Variants in GRK6 observed in about 807,000 individuals in gnomAD.
GRK6 encodes the protein G protein-coupled receptor kinase 6.
In GRK6, 37 loss-of-function variants were observed where a neutral mutation model predicts 80.8. The observed-to-expected ratio is 0.46, with a 90% CI of 0.35 to 0.60. GRK6 has a LOEUF of 0.60. Among genes scored for constraint, GRK6 ranks in the 20% least tolerant of loss-of-function variants. The pLI, the probability that GRK6 is intolerant of heterozygous loss-of-function variation, is 0.00. For missense variants in GRK6, 560 were observed against 784.6 expected (o/e 0.71, Z 3.42); for synonymous variants, 295 against 320.9 (o/e 0.92, Z 0.86).
At chr5:177,436,778 C>T (rs1349991636) in intron 13 of GRK6, 5 of 535,770 alleles carry the variant, frequency 9.3e-6, no homozygotes, top group Non-Finnish European at 3.3e-6. Context: ...CCTCACTGTA[C>T]CGTTGAGTGT....
intron 5 of GRK6, 113 bp downstream of exon 5, chr5:177,432,919 C>A: frequency 1.1e-6 from 1 of 913,686 alleles, no homozygotes; most frequent in Admixed American, 2.2e-5. Flanking sequence ...GCTGCCCAGC[C>A]CTGGCCTTGC....
chr5:177,431,923 G>C lies in GRK6; in HGVS notation c.149-72G>C, dbSNP rs541060336. 8 of 1,332,344 alleles carry C rather than the reference G, an allele frequency of 6.0e-6. No homozygotes were observed. The South Asian group carries it at 7.0e-5, about 12-fold the overall frequency. The allele number at this position is 1,332,344 out of a possible 1,614,324, so 82.5% of individuals were successfully genotyped here. On this transcript the variant is annotated intron_variant, in intron 2 of 15. Coordinates refer to ENST00000355472, the MANE Select transcript of GRK6 (RefSeq NM_001004106.3). ...AAGCTGTTGTGGGGGCCCAGGGCCT[G>C]GTGGTGTGGGCACATGCCCCACCCA...
At chr5:177,436,674 C>A in intron 13 of GRK6, 144 bp downstream of exon 13, 1 of 848,950 alleles carries the variant, frequency 1.2e-6, no homozygotes, top group Non-Finnish European at 1.8e-6. Flanking sequence ...AGATAATTCA[C>A]AAAAAGGAAA....
chr5:177,433,729 C>A, intron 8 of GRK6, 53 bp downstream of exon 8: 3 of 1,599,318 alleles, frequency 1.9e-6, no homozygotes, highest in Non-Finnish European at 2.6e-6. Context: ...GCGCACCGAC[C>A]GTCCCCACCC....
intron 3 of GRK6, 40 bp downstream of exon 3, chr5:177,432,147 G>A (rs202107646): frequency 1.6e-5 from 25 of 1,606,958 alleles, no homozygotes; most frequent in Admixed American, 1.0e-4. Context: ...GCGGGTGGCC[G>A]AGGTCCTGGC....
intron 11 of GRK6, among the ~76,000 whole-genome samples, 164 bp downstream of exon 11, chr5:177,435,285 G>C (rs972757983): frequency 6.6e-6 from 1 of 152,246 alleles, no homozygotes; most frequent in East Asian, 1.9e-4. Flanking sequence ...AGACTCAGCC[G>C]GGGCCGCACA....
chr5:177,428,303 C>T lies in GRK6; in HGVS notation c.52+1406C>T, dbSNP rs1169818618. 2.0e-5 allele frequency among the ~76,000 whole-genome samples: 3 copies of T among 152,224 alleles called. No individual in the cohort carries two copies. Among genetic ancestry groups the T allele is most frequent in the Admixed American group, 6.5e-5 (1 of 15,282 alleles). On this transcript the variant is annotated intron_variant, in intron 1 of 15. Transcript: ENST00000355472. The surrounding 1 kb of genome is among the most constrained non-coding windows in gnomAD (Gnocchi z 4.1). ...AGGCCTGCTGATGGCACTGCCTGGC[C>T]GGAGAGTGTGGGTACCTTTGGACAA... is the stretch of plus-strand genomic sequence containing the variant.
In GRK6 at chr5:177,436,450, G is replaced by A; in HGVS notation, c.1324G>A (p.Val442Met). The A allele has an allele frequency of 6.2e-7, 1 of 1,613,010 alleles. No individual in the cohort carries two copies. The highest frequency in any genetic ancestry group is 8.5e-7 in the Non-Finnish European group (1 of 1,179,756). ...GTGTCGTGGGGGCAGTGCCCGCGAG[G>A]TGAAGGAGCACCCCCTCTTTAAGAA... ...LGCRGGSAREVKEHPLFKKLN... is the reference protein window; with the variant it reads ...LGCRGGSAREMKEHPLFKKLN... Residue 442 changes from valine (V) to methionine (M), a missense_variant, in exon 13 of 16, where the codon GTG becomes ATG. This residue lies in a region of GRK6 where 294 missense variants were observed against 397.4 expected (regional missense o/e 0.74). Transcript: ENST00000355472.
At chr5:177,438,283 G>C (rs1475467580) in intron 13 of GRK6, among the ~76,000 whole-genome samples, 1 of 152,100 alleles carries the variant, frequency 6.6e-6, no homozygotes. Context: ...CAGGAGAATC[G>C]CTTGAACCCA....
intron 13 of GRK6, among the ~76,000 whole-genome samples, chr5:177,437,980 G>A (rs941164705): frequency 4.6e-5 from 7 of 152,202 alleles, no homozygotes; most frequent in Non-Finnish European, 1.0e-4. Flanking sequence ...AGGCCCACTG[G>A]AGCCAGTCCT....
intron 2 of GRK6, among the ~76,000 whole-genome samples, chr5:177,431,389 C>T (rs1215361560): frequency 6.6e-6 from 1 of 152,152 alleles, no homozygotes; most frequent in African/African-American, 2.4e-5. Context: ...GACCAGAAGC[C>T]CTCAGCCTGG....
chr5:177,433,631 G>C lies in GRK6; in HGVS notation c.693G>C (p.Ala231=). The C allele has an allele frequency of 1.2e-6, 2 of 1,614,132 alleles. No individual in the cohort carries two copies. Residue 231 remains alanine (A), a synonymous_variant, in exon 8 of 16, where the codon GCG becomes GCC. Coordinates refer to ENST00000355472, the MANE Select transcript of GRK6 (RefSeq NM_001004106.3). ...AGAAGCGGAAAGGGGAGGCCATGGC[G>C]CTGAACGAGAAGCAGATCCTGGAGA... The part of the protein sequence containing the change: ...RIKKRKGEAM[A]LNEKQILEKV...
chr5:177,439,843 T>C (rs893604333), intron 13 of GRK6: 3 of 152,314 alleles, frequency 2.0e-5, no homozygotes, highest in Non-Finnish European at 4.4e-5. Context: ...TGTTGTAGCA[T>C]AGATCAGTGC....
At chr5:177,430,988 G>C in intron 2 of GRK6, 21 bp downstream of exon 2, 1 of 1,605,662 alleles carries the variant, frequency 6.2e-7, no homozygotes, top group African/African-American at 1.3e-5. Context: ...GGCAGAGACT[G>C]GGGGTGCTGA....
At chr5:177,434,128 G>C in intron 9 of GRK6, 24 bp downstream of exon 9, 1 of 1,525,996 alleles carries the variant, frequency 6.6e-7, no homozygotes, top group Non-Finnish European at 8.8e-7. Flanking sequence ...GGCCACCCCA[G>C]GGGCTTAGTC....
chr5:177,426,886 A>G lies in GRK6; in HGVS notation c.41A>G (p.Lys14Arg). Reference protein sequence around the residue: ...ENIVANTVLLKAREGGGGNRK... With the variant: ...ENIVANTVLLRAREGGGGNRK... ...ATCGTAGCGAACACGGTGCTACTCA[A>G]GGCCCGGGAAGGTGAGGCGGCCGGG... Residue 14 changes from lysine to arginine, a missense_variant, in exon 1 of 16, where the codon AAG becomes AGG. This residue lies in a region of GRK6 where 189 missense variants were observed against 230.2 expected (regional missense o/e 0.82). Transcript: ENST00000355472. 7.2e-7 allele frequency: 1 copy of G among 1,395,302 alleles called. No individual in the cohort carries two copies. The highest frequency in any genetic ancestry group is 1.6e-5 in the South Asian group (1 of 61,000). 86.4% of individuals were successfully genotyped at this position (1,395,302 alleles called of 1,614,324 possible).
In GRK6 at chr5:177,441,705, TC is replaced by T. The variant is rs750621332; in HGVS notation, c.1678-29del. 1.9e-6 allele frequency: 3 copies of T among 1,557,782 alleles called. No individual in the cohort carries two copies. In the Admixed American group the frequency reaches 5.0e-5, roughly 26 times the overall value. The stretch of plus-strand genomic sequence containing the variant: ...GTTAATGGCACCTGCTCTGCCTCTC[TC>T]CCTCCCTCCGTGTCTTCCCCGTCCC... On this transcript the variant is annotated intron_variant, in intron 15 of 15. Transcript: ENST00000355472.
intron 1 of GRK6, 95 bp downstream of exon 1, chr5:177,426,992 A>G: frequency 2.5e-6 from 2 of 787,168 alleles, no homozygotes; most frequent in Non-Finnish European, 3.4e-6. Context: ...CGGATCCCCT[A>G]GGCCCGCGGG....
chr5:177,427,835 T>C (rs1210316656), intron 1 of GRK6, among the ~76,000 whole-genome samples: 1 of 152,102 alleles, frequency 6.6e-6, no homozygotes, highest in Non-Finnish European at 1.5e-5. Context: ...TTTTCCACCC[T>C]TTGCTGGGCT....
Sources: gnomAD v4.1 joint callset for allele counts (sites outside exome capture counted in the v4.1 genomes callset) on GRCh38, gnomAD v4.1.1 for gene constraint, gnomAD v4.1.1 regional missense constraint, Gnocchi (gnomAD v3.1) non-coding constraint, MANE v1.5 for transcripts, NCBI Gene and HGNC (gene_info 2026-07-23, HGNC 2026-07-21) for gene names.